LY9: variants seen among roughly 807,000 people sequenced by gnomAD.
LY9 encodes the protein lymphocyte antigen 9.
A neutral mutation model predicts 64.6 loss-of-function variants in LY9; 59 were observed. That is an observed-to-expected ratio of 0.91 (90% confidence interval 0.74 to 1.13). The LOEUF (loss-of-function observed/expected upper bound fraction) is 1.13, where lower values mean the gene tolerates loss of function less well. Among genes scored for constraint, LY9 ranks in the 50% most tolerant of loss-of-function variants. LY9 has a pLI of 0.00. For missense variants in LY9, 789 were observed against 797.2 expected (o/e 0.99, Z 0.12); for synonymous variants, 281 against 308.5 (o/e 0.91, Z 0.93).
At position 160,827,956 on chromosome 1, in the gene LY9, C is replaced by T. The variant is rs1028778745; in HGVS notation, c.*140C>T. 6.2e-6 allele frequency: 4 copies of T among 643,086 alleles called. No homozygotes were observed. Among genetic ancestry groups the T allele is most frequent in the African/African-American group, 1.8e-5 (1 of 54,404 alleles). The allele number at this position is 643,086 out of a possible 1,614,324, so 39.8% of individuals were successfully genotyped here. On this transcript the variant is annotated 3_prime_UTR_variant, in exon 10 of 10. Transcript: ENST00000263285. ...AGAGATGCCTGGATGTGGCCCCTCCCCCTCCTTCTCACCCTTAAGGACTCC... is the reference window on the plus strand; with the variant it reads ...AGAGATGCCTGGATGTGGCCCCTCCTCCTCCTTCTCACCCTTAAGGACTCC...
rs1264198728 is a variant in LY9, at chr1:160,802,369, C to G, written c.454+2287C>G. 8.1e-6 allele frequency: 8 copies of G among 987,968 alleles called. No homozygotes were observed. The African/African-American group carries it at 1.0e-4, about 13-fold the overall frequency. The allele number at this position is 987,968 out of a possible 1,614,324, so 61.2% of individuals were successfully genotyped here. On this transcript the variant is annotated intron_variant, in intron 2 of 9. Coordinates refer to ENST00000263285, the MANE Select transcript of LY9 (RefSeq NM_002348.4). ...ATCCGGGCCTGCTGGCTGCGGCCCC[C>G]TCTCAGCCAGGCCTGGCTCAGCCCA...
chr1:160,815,558 T>C (rs1282493339), intron 4 of LY9, among the ~76,000 whole-genome samples: 1 of 152,188 alleles, frequency 6.6e-6, no homozygotes, highest in African/African-American at 2.4e-5. Context: ...AGCTAATTTT[T>C]GTACTTTTAG....
rs1318612242 is a variant in LY9 at position 160,799,897 on chromosome 1, C to T, written c.269C>T (p.Ala90Val). ...GGTCCCAAAAATGCTCTTGCTTTCG[C>T]ACGTCCCAAAGAAAATGTAACCATT... ...WIGPKNALAF[A>V]RPKENVTIMV... Residue 90 changes from alanine (A) to valine (V), a missense_variant, in exon 2 of 10, where the codon GCA (alanine) becomes GTA (valine). Ala to Val is a moderately conservative substitution (Grantham distance 64). Transcript: ENST00000263285. 1.9e-6 allele frequency: 3 copies of T among 1,614,166 alleles called. No individual in the cohort carries two copies. Among genetic ancestry groups the T allele is most frequent in the East Asian group, 2.2e-5 (1 of 44,884 alleles).
In LY9 at chr1:160,805,741, TCACACACACACA is replaced by T. The variant is rs60721619; in HGVS notation, c.454+5689_454+5700del. On this transcript the variant is annotated intron_variant, in intron 2 of 9. Transcript: ENST00000263285. ...CTGTTGCAGTCTCTCTCTCTCTGTC[TCACACACACACA>T]CACACACACACACACACACACACAC... 3.3e-3 allele frequency among the ~76,000 whole-genome samples: 463 copies of T among 140,696 alleles called. 3 individuals carry two copies. Among genetic ancestry groups the T allele is most frequent in the African/African-American group, 0.011 (436 of 38,078 alleles). The allele number at this position is 140,696 out of a possible 152,430, so 92.3% of individuals were successfully genotyped here. A position where few individuals can be genotyped will look rare whatever the true frequency, so the allele number is the denominator to read the frequency against.
rs567081478 is a variant in LY9, at chr1:160,811,194, A to C, written c.455-2442A>C. On this transcript the variant is annotated intron_variant, in intron 2 of 9. Coordinates refer to ENST00000263285, the MANE Select transcript of LY9 (RefSeq NM_002348.4). ...CTACTTCTGAACTGCCTGTGGGGTC[A>C]CTCTTCCCTTTTCTTGAAGGATAAT... 3 of 152,046 alleles carry C rather than the reference A, an allele frequency of 2.0e-5. No individual in the cohort carries two copies. In the East Asian group the frequency reaches 5.8e-4, roughly 29 times the overall value. The allele number at this position is 152,046 out of a possible 1,614,324, so 9.4% of individuals were successfully genotyped here. A position where few individuals can be genotyped will look rare whatever the true frequency, so the allele number is the denominator to read the frequency against.
chr1:160,814,753 T>A lies in LY9; in HGVS notation c.1064T>A (p.Leu355His), dbSNP rs769774797. The A allele has an allele frequency of 2.5e-6, 4 of 1,612,016 alleles. No individual in the cohort carries two copies. In the African/African-American group the frequency reaches 4.0e-5, roughly 16 times the overall value. ...ACCAGCATGACACATGTCACCCTGC[T>A]CATCTACCGTGAGTCTCTGGGCAGG... is the stretch of plus-strand genomic sequence containing the variant. The part of the protein sequence containing the change: ...SVTSMTHVTL[L>H]IYRRLRKPKI... The change falls in exon 4 of 10, where the codon CTC becomes CAC. Residue 355 changes from leucine (L) to histidine (H), a missense_variant. Transcript: ENST00000263285.
intron 2 of LY9, chr1:160,810,864 C>T (rs963713653): frequency 1.3e-5 from 2 of 152,102 alleles, no homozygotes; most frequent in African/African-American, 4.8e-5. Flanking sequence ...TTATCTGCCT[C>T]CAAAATTCAA....
chr1:160,824,235 A>G lies in LY9; in HGVS notation c.1885A>G (p.Ile629Val). Residue 629 changes from isoleucine (I) to valine (V), a missense_variant, in exon 9 of 10, where the codon ATA (isoleucine) becomes GTA (valine). By Grantham distance (29) the Ile-to-Val change is conservative. Transcript: ENST00000263285. ...GAGCTCAGCCACAATCTACTGCTCC[A>G]TACGGAAACCTCAGGTGGTGAGAAC... ...EESSATIYCS[I>V]RKPQVVPPPQ... 2 of 1,614,194 alleles carry G rather than the reference A, an allele frequency of 1.2e-6. No homozygotes were observed. Among genetic ancestry groups the G allele is most frequent in the Non-Finnish European group, 1.7e-6 (2 of 1,180,020 alleles).
intron 4 of LY9, among the ~76,000 whole-genome samples, chr1:160,815,837 C>T (rs1450894284): frequency 2.0e-5 from 3 of 152,226 alleles, no homozygotes; most frequent in African/African-American, 7.2e-5. Context: ...GGGTGAGGAA[C>T]AGAATTTGCA....
rs111705850 is a variant in LY9, at chr1:160,796,383, G to A, written c.124+72G>A. The A allele has an allele frequency of 3.3e-6, 5 of 1,497,502 alleles. No homozygotes were observed. The African/African-American group carries it at 5.9e-5, about 18-fold the overall frequency. 92.8% of individuals were successfully genotyped at this position (1,497,502 alleles called of 1,614,324 possible). ...GAGGCCAGTTGCATTCCCTGCCTGG[G>A]AGATTCTTTTTTTTGTTTTTTGTTT... On this transcript the variant is annotated intron_variant, in intron 1 of 9. Coordinates refer to ENST00000263285, the MANE Select transcript of LY9 (RefSeq NM_002348.4).
chr1:160,803,143 G>T (rs1237671550), intron 2 of LY9, among the ~76,000 whole-genome samples: 2 of 152,092 alleles, frequency 1.3e-5, no homozygotes, highest in Non-Finnish European at 2.9e-5. Flanking sequence ...TTAGACAGGG[G>T]TGGTGATGGG....
chr1:160,801,747 G>T, intron 2 of LY9: 2 of 1,480,324 alleles, frequency 1.4e-6, no homozygotes, highest in South Asian at 1.1e-5. Flanking sequence ...AGAAATAGGG[G>T]TTCAACTTCA....
rs553272181 is a variant in LY9 at position 160,803,935 on chromosome 1, A to G, written c.454+3853A>G. On this transcript the variant is annotated intron_variant, in intron 2 of 9. Transcript: ENST00000263285. ...GAGGTGGGAGGATTGCTTGAATCCC[A>G]GGAGGCTGAGGCTGCAGTGAGTCAT... Among the ~76,000 whole-genome samples, 573 of 152,296 alleles carry G rather than the reference A, an allele frequency of 3.8e-3. 2 individuals carry two copies. The highest frequency in any genetic ancestry group is 0.013 in the African/African-American group (544 of 41,546).
At chr1:160,827,008 C>A (rs1214708540) in intron 9 of LY9, among the ~76,000 whole-genome samples, 1 of 152,188 alleles carries the variant, frequency 6.6e-6, no homozygotes, top group Non-Finnish European at 1.5e-5. Flanking sequence ...CTGAAACCAC[C>A]TCACTTACAG....
At position 160,823,646 on chromosome 1, in the gene LY9, T is replaced by A. The variant is rs756224254; in HGVS notation, c.1680T>A (p.Tyr560Ter). ...TGCACAAGCCCATCAGTGGAAGATA[T>A]GAGGTATTTGACCAGGTCACTCAGG... ...PEVHKPISGR[Y>*]EVFDQVTQEG... The change falls in exon 8 of 10, where the codon TAT becomes TAA. Residue 560 changes from tyrosine (Y) to a stop codon, truncating the protein, a stop_gained. Coordinates refer to ENST00000263285, the MANE Select transcript of LY9 (RefSeq NM_002348.4). LOFTEE classifies it high-confidence loss of function. 6.2e-7 allele frequency: 1 copy of A among 1,614,028 alleles called. No homozygotes were observed. Among genetic ancestry groups the A allele is most frequent in the Non-Finnish European group, 8.5e-7 (1 of 1,179,998 alleles).
Position 160,823,573 on chromosome 1 carries a change from G to GCTCTGACAGCAA in LY9, c.1609_1620dup (p.Ser537_Asn540dup). ...CAGCCTACACCCACCTCAGACAGCA[G>GCTCTGACAGCAA]CTCTGACAGCAACCTCACAACTGAG... is the stretch of plus-strand genomic sequence containing the variant. On this transcript the variant is annotated inframe_insertion, in exon 8 of 10. Transcript: ENST00000263285. The GCTCTGACAGCAA allele has an allele frequency of 1.2e-6, 2 of 1,614,118 alleles. No individual in the cohort carries two copies. Among genetic ancestry groups the GCTCTGACAGCAA allele is most frequent in the Non-Finnish European group, 1.7e-6 (2 of 1,179,954 alleles).
At chr1:160,824,441 G>C in intron 9 of LY9, 192 bp downstream of exon 9, 1 of 985,292 alleles carries the variant, frequency 1.0e-6, no homozygotes, top group South Asian at 4.7e-5. Context: ...GTGACCAAAG[G>C]CTGAACATTT....
rs1321763860 is a variant in LY9 at position 160,824,163 on chromosome 1, G to A, written c.1831-18G>A. On this transcript the variant is annotated intron_variant, in intron 8 of 9. Coordinates refer to ENST00000263285, the MANE Select transcript of LY9 (RefSeq NM_002348.4). ...CTCATGTGGTCACTAGGGCTCATCT[G>A]CTGTTGGTGTGTTACAGGGAAAGAC... The A allele has an allele frequency of 6.2e-7, 1 of 1,614,144 alleles. No homozygotes were observed. The highest frequency in any genetic ancestry group is 1.7e-5 in the Admixed American group (1 of 60,026).
At chr1:160,825,045 G>C (rs756863451) in intron 9 of LY9, among the ~76,000 whole-genome samples, 6 of 146,558 alleles carry the variant, frequency 4.1e-5, no homozygotes, top group Non-Finnish European at 7.5e-5. Flanking sequence ...TTTATAAAAA[G>C]TTCAAAAAAA....
Sources: allele counts gnomAD v4.1 joint callset (sites outside exome capture counted in the v4.1 genomes callset), GRCh38; gene constraint gnomAD v4.1.1; transcripts MANE v1.5; gene names NCBI Gene and HGNC (gene_info 2026-07-23, HGNC 2026-07-21).